TBC1D16: variants seen among roughly 807,000 people sequenced by gnomAD.
TBC1D16 encodes the protein CTD-2529O21.1.
TBC1D16 carries 58 observed loss-of-function variants against 74.7 expected under a neutral mutation model. The ratio of observed to expected loss-of-function variants is 0.78; its 90% confidence interval spans 0.63 to 0.97. The LOEUF (loss-of-function observed/expected upper bound fraction) is 0.97. TBC1D16 is among the 50% of genes least tolerant of loss of function. The pLI, the probability that TBC1D16 is intolerant of heterozygous loss-of-function variation, is 0.00. For missense variants in TBC1D16, 1,014 were observed against 1,079.5 expected, an observed-to-expected ratio of 0.94 and a Z score of 0.85; for synonymous variants, 493 against 474.7, an observed-to-expected ratio of 1.04 and a Z score of -0.50.
chr17:79,947,630 C>A lies in TBC1D16; in HGVS notation c.1728+15G>T. On this transcript the variant is annotated intron_variant, in intron 9 of 11. Transcript: ENST00000310924. ...CTCACATGCCCTTGGACGCACCCAT[C>A]CCCCTGAGCCTCACCAGTTGTTTCT... 1 of 1,613,222 alleles carries A rather than the reference C, an allele frequency of 6.2e-7. No homozygotes were observed. The highest frequency in any genetic ancestry group is 1.1e-5 in the South Asian group (1 of 90,988).
rs569871968 is a variant in TBC1D16, at chr17:79,945,943, T to C, written c.1729-856A>G. On this transcript the variant is annotated intron_variant, in intron 9 of 11. Coordinates refer to ENST00000310924, the MANE Select transcript of TBC1D16 (RefSeq NM_019020.4). ...CCATTGTTCCCACGGGAGACTGCGC[T>C]GAAGCTGTGCGGCCAGCCCTCCGCC... 2.2e-3 allele frequency among the ~76,000 whole-genome samples: 338 copies of C among 152,366 alleles called. 1 individual carries two copies. The highest frequency in any genetic ancestry group is 3.5e-3 in the Admixed American group (53 of 15,310).
At chr17:79,977,861 G>A (rs1346995820) in intron 3 of TBC1D16, among the ~76,000 whole-genome samples, 2 of 152,346 alleles carry the variant, frequency 1.3e-5, no homozygotes, top group East Asian at 3.9e-4. Context: ...ACGGGAGGGC[G>A]ATTGATGCGG....
intron 7 of TBC1D16, 146 bp from the exon 8 acceptor site, chr17:79,949,152 C>T: frequency 1.0e-6 from 1 of 975,938 alleles, no homozygotes; most frequent in Non-Finnish European, 1.5e-6. Flanking sequence ...CAGACCCTCC[C>T]CGGATGCGGC....
intron 3 of TBC1D16, chr17:79,992,302 G>A (rs2035097713): frequency 1.3e-5 from 2 of 152,350 alleles, no homozygotes; most frequent in African/African-American, 4.8e-5. Context: ...TGTGGACGAG[G>A]AATCCCTGCT....
chr17:79,986,638 G>A lies in TBC1D16; in HGVS notation c.779+23522C>T, dbSNP rs563989028. On this transcript the variant is annotated intron_variant, in intron 3 of 11. Coordinates refer to ENST00000310924, the MANE Select transcript of TBC1D16 (RefSeq NM_019020.4). This position sits in a 1 kb window ranked among gnomAD's most constrained non-coding sequence, Gnocchi z 6.0. The stretch of plus-strand genomic sequence containing the variant: ...TGCCCTGACAGAGTGACCAGTACCC[G>A]CAGCACCCGAGTTCTTTGCCTCTTA... 3.9e-5 allele frequency among the ~76,000 whole-genome samples: 6 copies of A among 152,280 alleles called. No individual in the cohort carries two copies. The South Asian group carries it at 6.2e-4, about 16-fold the overall frequency.
At position 80,010,024 on chromosome 17, in the gene TBC1D16, C is replaced by G; in HGVS notation, c.779+136G>C. 1.3e-6 allele frequency: 1 copy of G among 751,614 alleles called. No homozygotes were observed. Among genetic ancestry groups the G allele is most frequent in the South Asian group, 1.9e-5 (1 of 53,218 alleles). The allele number at this position is 751,614 out of a possible 1,614,324, so 46.6% of individuals were successfully genotyped here. On this transcript the variant is annotated intron_variant, in intron 3 of 11. Transcript: ENST00000310924. The surrounding 1 kb of genome is among the most constrained non-coding windows in gnomAD (Gnocchi z 8.8). ...CAGGGAGGGGCTCCTGCCACAGCCA[C>G]GGCCACAGCCGCGGGCAGGTCGGGC...
rs1632673 is a variant in TBC1D16 at position 79,971,937 on chromosome 17, T to C, written c.780-19119A>G. Among the ~76,000 whole-genome samples, 116,434 of 152,012 alleles carry C rather than the reference T, an allele frequency of 0.77. 45,231 individuals carry two copies. The highest frequency in any genetic ancestry group is 0.93 in the East Asian group (4,831 of 5,176). ...AGTGGGTGCAGGGACAAGGAAGGTC[T>C]GCGGAGGACAGGTCGGAGTGCTCTG... On this transcript the variant is annotated intron_variant, in intron 3 of 11. Transcript: ENST00000310924. This position sits in a 1 kb window ranked among gnomAD's most constrained non-coding sequence, Gnocchi z 4.6.
At chr17:79,998,486 C>T (rs1399921149) in intron 3 of TBC1D16, among the ~76,000 whole-genome samples, 4 of 151,376 alleles carry the variant, frequency 2.6e-5, no homozygotes, top group Admixed American at 1.3e-4. Context: ...AGCCACCATG[C>T]CCGGCTAATT....
chr17:80,026,956 G>T (rs2036601248), intron 1 of TBC1D16, among the ~76,000 whole-genome samples: 1 of 139,706 alleles, frequency 7.2e-6, no homozygotes, highest in South Asian at 2.2e-4. Context: ...AGAGGCGGGG[G>T]CAGCCAGCAG....
Position 79,941,130 on chromosome 17 carries a change from G to A in TBC1D16, c.2056-23C>T. 5 of 1,542,112 alleles carry A rather than the reference G, an allele frequency of 3.2e-6. No individual in the cohort carries two copies. Among genetic ancestry groups the A allele is most frequent in the East Asian group, 2.4e-5 (1 of 41,744 alleles). On this transcript the variant is annotated intron_variant, in intron 11 of 11. Coordinates refer to ENST00000310924, the MANE Select transcript of TBC1D16 (RefSeq NM_019020.4). This position sits in a 1 kb window ranked among gnomAD's most constrained non-coding sequence, Gnocchi z 4.3. Reference sequence around the variant, plus strand: ...CGCCTGCAGACAGAGGACGGGGGGTGAGGAGGGGCCGGGGGACAGCCTGGC... The same window carrying A: ...CGCCTGCAGACAGAGGACGGGGGGTAAGGAGGGGCCGGGGGACAGCCTGGC...
chr17:79,981,186 C>A lies in TBC1D16; in HGVS notation c.780-28368G>T, dbSNP rs183956830. 6.6e-6 allele frequency among the ~76,000 whole-genome samples: 1 copy of A among 152,232 alleles called. No homozygotes were observed. The highest frequency in any genetic ancestry group is 6.5e-5 in the Admixed American group (1 of 15,288). Reference sequence around the variant, plus strand: ...CCTCGCTCCCTCCTTAATCTCCACTCGGCTTTTCCCATCCCCTGGGCCTAG... The same window carrying A: ...CCTCGCTCCCTCCTTAATCTCCACTAGGCTTTTCCCATCCCCTGGGCCTAG... On this transcript the variant is annotated intron_variant, in intron 3 of 11. Transcript: ENST00000310924. The surrounding 1 kb of genome is among the most constrained non-coding windows in gnomAD (Gnocchi z 6.9).
At chr17:79,969,761 G>C (rs574309660) in intron 3 of TBC1D16, among the ~76,000 whole-genome samples, 1 of 152,114 alleles carries the variant, frequency 6.6e-6, no homozygotes, top group East Asian at 1.9e-4. Flanking sequence ...GCCCAATATG[G>C]TGAAACCCCA....
intron 3 of TBC1D16, among the ~76,000 whole-genome samples, chr17:79,972,316 A>G (rs970293767): frequency 7.9e-5 from 12 of 152,086 alleles, no homozygotes; most frequent in African/African-American, 2.9e-4. Context: ...AGCTGGGATC[A>G]CAGGCGTGTA....
chr17:79,944,855 G>A lies in TBC1D16; in HGVS notation c.1908+53C>T. On this transcript the variant is annotated intron_variant, in intron 10 of 11. Coordinates refer to ENST00000310924, the MANE Select transcript of TBC1D16 (RefSeq NM_019020.4). The surrounding 1 kb of genome is among the most constrained non-coding windows in gnomAD (Gnocchi z 7.7). ...GGGCAGCAGGCAGGGTGGCCACGGT[G>A]GTTCAGGGGCCATGGTCCCAACCTC... 1 of 1,470,404 alleles carries A rather than the reference G, an allele frequency of 6.8e-7. No homozygotes were observed. Among genetic ancestry groups the A allele is most frequent in the Non-Finnish European group, 9.1e-7 (1 of 1,098,994 alleles). 91.1% of individuals were successfully genotyped at this position (1,470,404 alleles called of 1,614,324 possible).
intron 1 of TBC1D16, among the ~76,000 whole-genome samples, chr17:80,021,574 C>G (rs1598437813): frequency 6.7e-6 from 1 of 149,696 alleles, no homozygotes. Context: ...ATGGAATTTT[C>G]ATTGATATGT....
At chr17:79,974,615 A>G (rs1206003439) in intron 3 of TBC1D16, among the ~76,000 whole-genome samples, 1 of 152,160 alleles carries the variant, frequency 6.6e-6, no homozygotes, top group Non-Finnish European at 1.5e-5. Context: ...AGGGGGGACT[A>G]TATGTATTTT....
intron 1 of TBC1D16, among the ~76,000 whole-genome samples, chr17:80,027,891 CAAAAAAAAA>C (rs71163908): frequency 4.5e-5 from 3 of 66,814 alleles, no homozygotes; most frequent in African/African-American, 6.0e-5. Context: ...GACTCCAACT[CAAAAAAAAA>C]AAAAAAAAAA....
rs759916966 is a variant in TBC1D16 at position 79,986,891 on chromosome 17, G to A, written c.779+23269C>T. ...TGATGCATGGGAGGAGCTGGACTGC[G>A]GTCAGCCGTCCCCTCGCGCCCTCCG... is the stretch of plus-strand genomic sequence containing the variant. On this transcript the variant is annotated intron_variant, in intron 3 of 11. Coordinates refer to ENST00000310924, the MANE Select transcript of TBC1D16 (RefSeq NM_019020.4). The surrounding 1 kb of genome is among the most constrained non-coding windows in gnomAD (Gnocchi z 6.0). Among the ~76,000 whole-genome samples the A allele has an allele frequency of 1.1e-4, 16 of 152,350 alleles. No homozygotes were observed. Among genetic ancestry groups the A allele is most frequent in the Non-Finnish European group, 1.8e-4 (12 of 68,032 alleles).
At chr17:79,942,793 C>A (rs1243397509) in intron 10 of TBC1D16, among the ~76,000 whole-genome samples, 3 of 152,224 alleles carry the variant, frequency 2.0e-5, no homozygotes, top group Non-Finnish European at 1.5e-5. Flanking sequence ...GCGGGCACAG[C>A]AGCTCACCCA....
Sources: allele counts gnomAD v4.1 joint callset (sites outside exome capture counted in the v4.1 genomes callset), GRCh38; gene constraint gnomAD v4.1.1; non-coding constraint Gnocchi (gnomAD v3.1); transcripts MANE v1.5; gene names NCBI Gene and HGNC (gene_info 2026-07-23, HGNC 2026-07-21).